RYR2: variants seen among roughly 807,000 people sequenced by gnomAD.
The protein encoded by RYR2 is cardiac muscle ryanodine receptor-calcium release channel.
In RYR2, 227 loss-of-function variants were observed where a neutral mutation model predicts 601.1. That is an observed-to-expected ratio of 0.38 (90% CI 0.34 to 0.42). The LOEUF is 0.42. Ranked by LOEUF, RYR2 falls within the 10% of genes least tolerant of loss-of-function variation. RYR2 has a pLI of 1.00. For synonymous variants in RYR2, 2,223 were observed against 2,175.1 expected, an observed-to-expected ratio of 1.02 and a Z score of -0.61; for missense variants, 4,646 against 6,156.5, an observed-to-expected ratio of 0.75 and a Z score of 8.21.
chr1:237,613,973 C>T, intron 36 of RYR2, 66 bp from the exon 37 acceptor site: 3 of 1,458,878 alleles, frequency 2.1e-6, no homozygotes, highest in East Asian at 4.6e-5. Flanking sequence ...ACTGATTTCT[C>T]CTCTGATTCA....
chr1:237,353,846 G>A (rs765493760), intron 3 of RYR2, among the ~76,000 whole-genome samples: 1 of 152,048 alleles, frequency 6.6e-6, no homozygotes, highest in Non-Finnish European at 1.5e-5. Context: ...TGGAAAAAAT[G>A]TTCCTTTGTC....
In RYR2 at chr1:237,614,195, T is replaced by C. The variant is rs1275022139; in HGVS notation, c.5067T>C (p.Ile1689=). ...HVDEPQLLYA[I]ENKYMPGLLR... ...ATGAACCTCAGCTCCTCTATGCCAT[T>C]GAGAACAAGTACATGCCTGGTTTGC... The change falls in exon 37 of 105, where the codon ATT becomes ATC. Residue 1689 remains isoleucine, a synonymous_variant. Coordinates refer to ENST00000366574, the MANE Select transcript of RYR2 (RefSeq NM_001035.3). The surrounding 1 kb of genome is among the most constrained non-coding windows in gnomAD (Gnocchi z 4.3). The C allele has an allele frequency of 6.2e-7, 1 of 1,613,904 alleles. No individual in the cohort carries two copies. Among genetic ancestry groups the C allele is most frequent in the East Asian group, 2.2e-5 (1 of 44,868 alleles).
At chr1:237,358,880 C>G (rs185594468) in intron 4 of RYR2, among the ~76,000 whole-genome samples, 10 of 152,208 alleles carry the variant, frequency 6.6e-5, no homozygotes, top group Admixed American at 2.6e-4. Context: ...TCCAGGCCCA[C>G]CTGCACTTCT....
intron 50 of RYR2, among the ~76,000 whole-genome samples, 160 bp downstream of exon 50, chr1:237,650,257 C>A (rs1380890879): frequency 6.6e-6 from 1 of 152,164 alleles, no homozygotes; most frequent in Non-Finnish European, 1.5e-5. Flanking sequence ...CTTCTCTGAT[C>A]GCCCTTGCTC....
At chr1:237,648,359 T>A in intron 48 of RYR2, 85 bp from the exon 49 acceptor site, 5 of 1,168,770 alleles carry the variant, frequency 4.3e-6, no homozygotes, top group Non-Finnish European at 5.7e-6. Context: ...GTGTTTAAAA[T>A]GTAAGAAGTC....
chr1:237,779,520 A>AT (rs1396487883), intron 88 of RYR2, among the ~76,000 whole-genome samples: 1 of 152,342 alleles, frequency 6.6e-6, no homozygotes, highest in East Asian at 1.9e-4. Context: ...GAATGCTGTC[A>AT]TTCTAATTCC....
intron 11 of RYR2, among the ~76,000 whole-genome samples, chr1:237,420,482 C>G (rs1221035592): frequency 6.6e-6 from 1 of 152,036 alleles, no homozygotes; most frequent in Admixed American, 6.5e-5. Context: ...ATTACTATTG[C>G]CAATTTTAGT....
At chr1:237,628,197 TATACTAA>T in intron 41 of RYR2, 117 bp downstream of exon 41, 4 of 1,166,216 alleles carry the variant, frequency 3.4e-6, no homozygotes, top group Non-Finnish European at 4.7e-6. Flanking sequence ...ATACGATTAT[TATACTAA>T]ATAGCTTTTC....
Position 237,595,485 on chromosome 1 carries a change from T to A in RYR2, c.4437-13T>A. On this transcript the variant is annotated splice_polypyrimidine_tract_variant and intron_variant, in intron 33 of 104. Transcript: ENST00000366574. Reference sequence around the variant, plus strand: ...TGGTTGTACAAAGATAAAAATGTTCTTTTGAAATTCAGCATCAAACGCAGC... The same window carrying A: ...TGGTTGTACAAAGATAAAAATGTTCATTTGAAATTCAGCATCAAACGCAGC... 3.1e-6 allele frequency: 5 copies of A among 1,601,794 alleles called. No homozygotes were observed. Among genetic ancestry groups the A allele is most frequent in the Non-Finnish European group, 4.3e-6 (5 of 1,175,980 alleles).
At chr1:237,108,420 G>A (rs968149641) in intron 1 of RYR2, among the ~76,000 whole-genome samples, 15 of 152,300 alleles carry the variant, frequency 9.8e-5, no homozygotes, top group Middle Eastern at 3.4e-3. Flanking sequence ...TAGCCCAGTA[G>A]GCCTGCTAAT....
At position 237,589,912 on chromosome 1, in the gene RYR2, G is replaced by A; in HGVS notation, c.3718G>A (p.Ala1240Thr). 6.2e-7 allele frequency: 1 copy of A among 1,613,888 alleles called. No individual in the cohort carries two copies. The highest frequency in any genetic ancestry group is 1.7e-5 in the Admixed American group (1 of 60,008). Residue 1240 changes from alanine (A) to threonine (T), a missense_variant, in exon 30 of 105, where the codon GCC becomes ACC. Physicochemically the swap from Ala to Thr is moderately conservative, Grantham distance 58 (BLOSUM62 0). Around this residue, in one of 17 missense-constraint regions of RYR2, gnomAD observed 1,807 missense variants for 2,088.1 expected, o/e 0.87. Coordinates refer to ENST00000366574, the MANE Select transcript of RYR2 (RefSeq NM_001035.3). ...CGLQEGYEPF[A>T]VNTNRDITMW... ...CTTACAAGAGGGCTATGAACCATTT[G>A]CCGTTAATACAAACAGGGATATTAC...
intron 62 of RYR2, among the ~76,000 whole-genome samples, chr1:237,686,707 G>A (rs142073440): frequency 5.5e-4 from 83 of 152,264 alleles, no homozygotes; most frequent in African/African-American, 1.9e-3. Flanking sequence ...AATGCTGAAT[G>A]TGGGCAGCCA....
At chr1:237,538,982 C>T (rs554598771) in intron 25 of RYR2, among the ~76,000 whole-genome samples, 1 of 152,188 alleles carries the variant, frequency 6.6e-6, no homozygotes, top group South Asian at 2.1e-4. Flanking sequence ...GAGAACAAGA[C>T]ATAGGCATAA....
chr1:237,639,233 T>A, intron 46 of RYR2, 32 bp downstream of exon 46: 1 of 1,556,440 alleles, frequency 6.4e-7, no homozygotes, highest in Non-Finnish European at 8.7e-7. Context: ...TCACGAGTGA[T>A]CCATACTACT....
chr1:237,743,111 G>A (rs1691758941), intron 80 of RYR2, among the ~76,000 whole-genome samples: 1 of 152,074 alleles, frequency 6.6e-6, no homozygotes. Context: ...TAAGTGCAGG[G>A]AAATAGAAAT....
intron 1 of RYR2, among the ~76,000 whole-genome samples, chr1:237,230,611 G>T (rs1365508491): frequency 6.6e-6 from 1 of 152,108 alleles, no homozygotes; most frequent in Non-Finnish European, 1.5e-5. Context: ...TACTGGGAAT[G>T]TTTTTATTTT....
intron 62 of RYR2, among the ~76,000 whole-genome samples, chr1:237,681,689 A>G (rs1685897234): frequency 6.6e-6 from 1 of 152,152 alleles, no homozygotes; most frequent in Non-Finnish European, 1.5e-5. Context: ...GTTACTTTCC[A>G]AGATGTGAAT....
chr1:237,452,075 T>TGTG (rs1553457186), intron 14 of RYR2, among the ~76,000 whole-genome samples: 8 of 7,738 alleles, frequency 1.0e-3, no homozygotes, highest in African/African-American at 4.0e-3. Context: ...ATATATAAAA[T>TGTG]TTTGTGTGTG....
chr1:237,096,304 T>G (rs1029716207), intron 1 of RYR2, among the ~76,000 whole-genome samples: 2 of 152,270 alleles, frequency 1.3e-5, no homozygotes, highest in African/African-American at 4.8e-5. Flanking sequence ...CATGGAACTC[T>G]TTTCTTCAGC....
Sources: gnomAD v4.1 joint callset for allele counts (sites outside exome capture counted in the v4.1 genomes callset) on GRCh38, gnomAD v4.1.1 for gene constraint, gnomAD v4.1.1 regional missense constraint, Gnocchi (gnomAD v3.1) non-coding constraint, MANE v1.5 for transcripts, NCBI Gene and HGNC (gene_info 2026-07-23, HGNC 2026-07-21) for gene names.